Variants in DBT observed in about 807,000 individuals in gnomAD.
DBT encodes dihydrolipoamide branched chain transacylase E2, also known as lipoamide acyltransferase component of branched-chain alpha-keto acid dehydrogenase complex, mitochondrial.
A neutral mutation model predicts 51.3 loss-of-function variants in DBT; 40 were observed. The ratio of observed to expected loss-of-function variants is 0.78; its 90% CI spans 0.61 to 1.02. The LOEUF (loss-of-function observed/expected upper bound fraction) is 1.02. DBT is among the 50% of genes least tolerant of loss of function. DBT has a pLI of 0.00. For missense variants in DBT, 510 were observed against 580.2 expected (o/e 0.88, Z 1.24); for synonymous variants, 181 against 190.4 (o/e 0.95, Z 0.41).
rs1046507564 is a variant in DBT, at chr1:100,191,943, G to C, written c.*4312C>G. 2.6e-5 allele frequency: 4 copies of C among 151,860 alleles called. No individual in the cohort carries two copies. The highest frequency in any genetic ancestry group is 9.7e-5 in the African/African-American group (4 of 41,326). The allele number at this position is 151,860 out of a possible 1,614,324, so 9.4% of individuals were successfully genotyped here. ...GCACACAGGTGCATGTCACTTCATCGGCCTAATTTTTTTTTTTTTTGGTAT... is the reference window on the plus strand; with the variant it reads ...GCACACAGGTGCATGTCACTTCATCCGCCTAATTTTTTTTTTTTTTGGTAT... On this transcript the variant is annotated 3_prime_UTR_variant, in exon 11 of 11. Coordinates refer to ENST00000370132, the MANE Select transcript of DBT (RefSeq NM_001918.5).
At chr1:100,206,962 C>T (rs1469854729) in intron 8 of DBT, among the ~76,000 whole-genome samples, 2 of 151,988 alleles carry the variant, frequency 1.3e-5, no homozygotes, top group African/African-American at 4.8e-5. Context: ...GCCTGTGATC[C>T]CAGCTACTCG....
chr1:100,218,897 A>G (rs1166021634), intron 4 of DBT, 150 bp from the exon 5 acceptor site: 2 of 567,850 alleles, frequency 3.5e-6, no homozygotes, highest in South Asian at 2.0e-5. Flanking sequence ...ACTTCAGAAT[A>G]GGAAAACACA....
chr1:100,233,326 A>G (rs1557957677), intron 3 of DBT, among the ~76,000 whole-genome samples: 1 of 151,892 alleles, frequency 6.6e-6, no homozygotes, highest in Non-Finnish European at 1.5e-5. Context: ...GTGAAATTTA[A>G]GTATTTTTTT....
intron 1 of DBT, among the ~76,000 whole-genome samples, chr1:100,244,533 T>G (rs3131839): frequency 0.81 from 122,614 of 152,070 alleles, 50,202 homozygotes; most frequent in East Asian, 0.94. Flanking sequence ...TTTAAAAAAA[T>G]AACTATTACC....
chr1:100,239,851 CAAAAAAAAAA>C (rs56661922), intron 2 of DBT, among the ~76,000 whole-genome samples: 10 of 111,166 alleles, frequency 9.0e-5, no homozygotes, highest in African/African-American at 3.1e-4. Flanking sequence ...CAACAGAGCT[CAAAAAAAAAA>C]AAAAAAAAAA....
chr1:100,198,124 G>A (rs919601925), intron 10 of DBT, among the ~76,000 whole-genome samples: 2 of 152,046 alleles, frequency 1.3e-5, no homozygotes, highest in African/African-American at 4.8e-5. Flanking sequence ...ATTCATTGAT[G>A]GATGAATGTA....
chr1:100,210,325 TAAGAAGAAGAAGAAG>T lies in DBT; in HGVS notation c.1017+354_1017+368del, dbSNP rs145600331. ...ACTCTGCCAATAATAATAATAATAA[TAAGAAGAAGAAGAAG>T]AAGAAGAATAAGAATAATAATATTA... On this transcript the variant is annotated intron_variant, in intron 8 of 10. Coordinates refer to ENST00000370132, the MANE Select transcript of DBT (RefSeq NM_001918.5). 9.9e-4 allele frequency among the ~76,000 whole-genome samples: 143 copies of T among 144,098 alleles called. 2 individuals carry two copies. Among genetic ancestry groups the T allele is most frequent in the South Asian group, 4.3e-3 (19 of 4,452 alleles). 94.5% of individuals were successfully genotyped at this position (144,098 alleles called of 152,430 possible). A position where few individuals can be genotyped will look rare whatever the true frequency, so the allele number is the denominator to read the frequency against.
intron 2 of DBT, among the ~76,000 whole-genome samples, chr1:100,239,097 T>TCAGTAAGCACCTA (rs1664061753): frequency 6.6e-6 from 1 of 152,242 alleles, no homozygotes. Context: ...TTTTGTGTAC[T>TCAGTAAGCACCTA]GATATATCCC....
chr1:100,209,203 A>G (rs1256311668), intron 8 of DBT, among the ~76,000 whole-genome samples: 1 of 149,728 alleles, frequency 6.7e-6, no homozygotes, highest in Non-Finnish European at 1.5e-5. Context: ...GTATCATATG[A>G]TTCTCCTGCC....
At position 100,210,293 on chromosome 1, in the gene DBT, G is replaced by A. The variant is rs1256604800; in HGVS notation, c.1017+401C>T. Among the ~76,000 whole-genome samples the A allele has an allele frequency of 2.0e-5, 3 of 148,134 alleles. No individual in the cohort carries two copies. The Admixed American group carries it at 2.1e-4, about 10-fold the overall frequency. ...AACACTGCATTCCAAACTGGTGACA[G>A]AGTGAGACTCTGCCAATAATAATAA... On this transcript the variant is annotated intron_variant, in intron 8 of 10. Coordinates refer to ENST00000370132, the MANE Select transcript of DBT (RefSeq NM_001918.5).
chr1:100,212,860 CTT>C (rs1391513682), intron 7 of DBT, among the ~76,000 whole-genome samples: 3 of 152,036 alleles, frequency 2.0e-5, no homozygotes, highest in Admixed American at 2.0e-4. Context: ...GCAGCAGAGA[CTT>C]ATAACACATT....
At chr1:100,248,722 C>T (rs1664707104) in intron 1 of DBT, among the ~76,000 whole-genome samples, 1 of 152,170 alleles carries the variant, frequency 6.6e-6, no homozygotes, top group East Asian at 1.9e-4. Context: ...AGAAGAGAGA[C>T]CAATATGTGT....
At chr1:100,213,770 G>A (rs1662305714) in intron 7 of DBT, 14 of 1,489,274 alleles carry the variant, frequency 9.4e-6, no homozygotes, top group Non-Finnish European at 1.2e-5. Context: ...GGACTGTTTT[G>A]TAAAGCGAGG....
At chr1:100,242,298 T>C (rs1162079075) in intron 1 of DBT, among the ~76,000 whole-genome samples, 2 of 152,140 alleles carry the variant, frequency 1.3e-5, no homozygotes, top group Non-Finnish European at 2.9e-5. Flanking sequence ...AGTCATGTTT[T>C]AATACATATT....
In DBT at chr1:100,196,375, T is replaced by C. The variant is rs1483663407; in HGVS notation, c.1329A>G (p.Ile443Met). 3 of 1,609,538 alleles carry C rather than the reference T, an allele frequency of 1.9e-6. No individual in the cohort carries two copies. Among genetic ancestry groups the C allele is most frequent in the Non-Finnish European group, 2.5e-6 (3 of 1,179,472 alleles). The change falls in exon 11 of 11, where the codon ATA (isoleucine) becomes ATG (methionine). Residue 443 changes from isoleucine to methionine, a missense_variant. Transcript: ENST00000370132. ...GATCAGCTGACCAGCTCACATTCAT[T>C]ATCTGTGCCTTATATACTTCTCCTT... ...NQKGEVYKAQ[I>M]MNVSWSADHR...
At chr1:100,235,385 T>A (rs528325102) in intron 3 of DBT, 51 bp downstream of exon 3, 56 of 893,540 alleles carry the variant, frequency 6.3e-5, no homozygotes, top group Non-Finnish European at 9.4e-5. Context: ...TAGTTATTTT[T>A]ACTCAAATTA....
In DBT at chr1:100,238,884, G is replaced by A. The variant is rs369754829; in HGVS notation, c.175+1877C>T. ...AGTTGAAGGCATGTGTGTAGATGTA[G>A]TACAAGAAGAGAGGGCAAAGGATGG... On this transcript the variant is annotated intron_variant, in intron 2 of 10. Transcript: ENST00000370132. Among the ~76,000 whole-genome samples, 29 of 152,266 alleles carry A rather than the reference G, an allele frequency of 1.9e-4. No homozygotes were observed. The South Asian group carries it at 4.4e-3, about 23-fold the overall frequency.
rs1664007244 is a variant in DBT at position 100,238,246 on chromosome 1, C to T, written c.175+2515G>A. 2.2e-5 allele frequency among the ~76,000 whole-genome samples: 3 copies of T among 138,958 alleles called. No individual in the cohort carries two copies. The South Asian group carries it at 7.0e-4, about 32-fold the overall frequency. 91.2% of individuals were successfully genotyped at this position (138,958 alleles called of 152,430 possible). On this transcript the variant is annotated intron_variant, in intron 2 of 10. Coordinates refer to ENST00000370132, the MANE Select transcript of DBT (RefSeq NM_001918.5). Reference sequence around the variant, plus strand: ...CTTTCCTCCCTTCCTTCCCTCACTTCCTTTCCTCCCTTCCTTTCCTCCCTT... The same window carrying T: ...CTTTCCTCCCTTCCTTCCCTCACTTTCTTTCCTCCCTTCCTTTCCTCCCTT...
At chr1:100,206,135 C>T (rs769427417) in intron 10 of DBT, 95 bp downstream of exon 10, 6 of 755,518 alleles carry the variant, frequency 7.9e-6, no homozygotes, top group African/African-American at 1.9e-5. Context: ...TTAAAACCTA[C>T]AAAAGGAGGG....
Sources: allele counts gnomAD v4.1 joint callset (sites outside exome capture counted in the v4.1 genomes callset), GRCh38; gene constraint gnomAD v4.1.1; transcripts MANE v1.5; gene names NCBI Gene and HGNC (gene_info 2026-07-23, HGNC 2026-07-21).